NFATC2: variants seen among roughly 807,000 people sequenced by gnomAD.
The protein encoded by NFATC2 is nuclear factor of activated T cells 2.
A neutral mutation model predicts 87.3 loss-of-function variants in NFATC2; 22 were observed. The ratio of observed to expected loss-of-function variants is 0.25; its 90% CI spans 0.18 to 0.36. The LOEUF is 0.36. Among genes scored for constraint, NFATC2 ranks in the 10% least tolerant of loss-of-function variants. The pLI is 1.00. For synonymous variants in NFATC2, 565 were observed against 542.2 expected, an observed-to-expected ratio of 1.04 and a Z score of -0.58; for missense variants, 1,149 against 1,259.1, an observed-to-expected ratio of 0.91 and a Z score of 1.32.
At chr20:51,420,186 T>C (rs1172740330) in intron 9 of NFATC2, among the ~76,000 whole-genome samples, 2 of 152,212 alleles carry the variant, frequency 1.3e-5, no homozygotes, top group Non-Finnish European at 2.9e-5. Context: ...TTTCTCTTTA[T>C]AGAAGTTTTC....
chr20:51,493,237 C>T (rs1036885628), intron 3 of NFATC2, among the ~76,000 whole-genome samples: 4 of 152,332 alleles, frequency 2.6e-5, no homozygotes, highest in Admixed American at 6.5e-5. Flanking sequence ...TAGAAAAAAG[C>T]ACTTGTACAT....
intron 3 of NFATC2, among the ~76,000 whole-genome samples, chr20:51,513,592 C>T (rs1473098662): frequency 6.6e-6 from 1 of 152,252 alleles, no homozygotes; most frequent in African/African-American, 2.4e-5. Flanking sequence ...TAGCAGGTGT[C>T]TCCTGGACTG....
At chr20:51,562,819 G>C (rs777702500), upstream of NFATC2, 61 of 552,188 alleles carry the variant, frequency 1.1e-4, no homozygotes, top group East Asian at 4.2e-4. This position sits in a 1 kb window ranked among gnomAD's most constrained non-coding sequence, Gnocchi z 5.8. Flanking sequence ...TCCGCGATCC[G>C]GCTTACTCCA....
intron 3 of NFATC2, among the ~76,000 whole-genome samples, chr20:51,483,543 A>G (rs1989450328): frequency 1.3e-5 from 2 of 151,690 alleles, no homozygotes; most frequent in Admixed American, 6.6e-5. Flanking sequence ...CCAATTCAGT[A>G]TCTATTTTGG....
chr20:51,556,395 G>A (rs1030533111), intron 1 of NFATC2, among the ~76,000 whole-genome samples: 10 of 152,228 alleles, frequency 6.6e-5, no homozygotes, highest in Admixed American at 3.9e-4. Flanking sequence ...CCTTTTAACC[G>A]TAACAATGGC....
intron 9 of NFATC2, among the ~76,000 whole-genome samples, chr20:51,429,838 C>G (rs1982429678): frequency 6.6e-6 from 1 of 152,164 alleles, no homozygotes; most frequent in South Asian, 2.1e-4. Context: ...TGGGGTCATA[C>G]AGCATGTACC....
chr20:51,437,112 CAAAAAAAAAAA>C (rs3029278), intron 6 of NFATC2, among the ~76,000 whole-genome samples: 2 of 130,756 alleles, frequency 1.5e-5, no homozygotes, highest in Non-Finnish European at 3.2e-5. Context: ...GAAGTTGGGC[CAAAAAAAAAAA>C]AAAAAAAACC....
At chr20:51,483,740 G>C (rs2146550020) in intron 3 of NFATC2, among the ~76,000 whole-genome samples, 1 of 151,812 alleles carries the variant, frequency 6.6e-6, no homozygotes, top group Non-Finnish European at 1.5e-5. Flanking sequence ...CTAACTCTTG[G>C]TAACTCTCTC....
chr20:51,440,379 A>G (rs1223902626), intron 6 of NFATC2, among the ~76,000 whole-genome samples: 1 of 152,204 alleles, frequency 6.6e-6, no homozygotes, highest in Admixed American at 6.5e-5. Flanking sequence ...AAACACAAGC[A>G]TTTTAAAATC....
chr20:51,440,793 C>T (rs533283193), intron 6 of NFATC2, among the ~76,000 whole-genome samples: 1 of 152,284 alleles, frequency 6.6e-6, no homozygotes, highest in East Asian at 1.9e-4. Context: ...TTATGCAGCA[C>T]GTGCAAGACA....
chr20:51,425,326 C>T (rs561317453), intron 9 of NFATC2, among the ~76,000 whole-genome samples: 44 of 152,358 alleles, frequency 2.9e-4, no homozygotes, highest in African/African-American at 1.1e-3. Context: ...GGTGTCGGCT[C>T]CAGGTGGCCA....
At position 51,542,529 on chromosome 20, in the gene NFATC2, G is replaced by A. The variant is rs767134287; in HGVS notation, c.-30C>T. 11 of 1,361,770 alleles carry A rather than the reference G, an allele frequency of 8.1e-6. No individual in the cohort carries two copies. Among genetic ancestry groups the A allele is most frequent in the African/African-American group, 1.5e-5 (1 of 65,200 alleles). The allele number at this position is 1,361,770 out of a possible 1,614,324, so 84.4% of individuals were successfully genotyped here. A position where few individuals can be genotyped will look rare whatever the true frequency, so the allele number is the denominator to read the frequency against. On this transcript the variant is annotated 5_prime_UTR_variant, in exon 1 of 11. Transcript: ENST00000371564. ...CGCAGGGCGGGAAGGCTGCGGGGCC[G>A]GGGGCGAGGGCGGGCGCGGCTGGCT...
At chr20:51,478,115 A>T (rs1053529261) in intron 3 of NFATC2, among the ~76,000 whole-genome samples, 1 of 152,124 alleles carries the variant, frequency 6.6e-6, no homozygotes, top group Non-Finnish European at 1.5e-5. Context: ...CTAGATGATC[A>T]CCTTTTTTCA....
At chr20:51,430,276 C>T (rs988384167) in intron 9 of NFATC2, among the ~76,000 whole-genome samples, 1 of 152,174 alleles carries the variant, frequency 6.6e-6, no homozygotes, top group African/African-American at 2.4e-5. Context: ...CCAATACAAT[C>T]GATCCCCCAG....
At chr20:51,506,779 C>A (rs1048931872) in intron 3 of NFATC2, among the ~76,000 whole-genome samples, 2 of 152,138 alleles carry the variant, frequency 1.3e-5, no homozygotes, top group Non-Finnish European at 2.9e-5. Flanking sequence ...CAGGTGTGGT[C>A]ATGGTCCCCT....
intron 5 of NFATC2, among the ~76,000 whole-genome samples, chr20:51,464,804 G>T (rs1987511837): frequency 6.6e-6 from 1 of 152,194 alleles, no homozygotes; most frequent in South Asian, 2.1e-4. Flanking sequence ...TGTAGTTAAG[G>T]CTTGATGCCC....
chr20:51,545,067 G>T (rs73130849), upstream of NFATC2, among the ~76,000 whole-genome samples: 296 of 152,330 alleles, frequency 1.9e-3, no homozygotes, highest in Non-Finnish European at 2.5e-3. Context: ...TTATAGACAG[G>T]TATCTAGAAA....
In NFATC2 at chr20:51,524,066, C is replaced by T. The variant is rs867932067; in HGVS notation, c.175G>A (p.Ala59Thr). Residue 59 changes from alanine (A) to threonine (T), a missense_variant, in exon 2 of 11, where the codon GCA becomes ACA. Ala to Thr is a moderately conservative substitution (Grantham distance 58). Coordinates refer to ENST00000371564, the MANE Select transcript of NFATC2 (RefSeq NM_012340.5). This position sits in a 1 kb window ranked among gnomAD's most constrained non-coding sequence, Gnocchi z 4.0. ...HKVASPPSGP[A>T]YPDDVLDYGL... The stretch of plus-strand genomic sequence containing the variant: ...TAGTCCAGGACATCATCGGGGTATG[C>T]GGGTCCGGAGGGTGGGCTGGCGACC... 2 of 1,493,558 alleles carry T rather than the reference C, an allele frequency of 1.3e-6. No homozygotes were observed. Among genetic ancestry groups the T allele is most frequent in the Non-Finnish European group, 1.8e-6 (2 of 1,124,570 alleles). The allele number at this position is 1,493,558 out of a possible 1,614,324, so 92.5% of individuals were successfully genotyped here. A position where few individuals can be genotyped will look rare whatever the true frequency, so the allele number is the denominator to read the frequency against.
At chr20:51,433,577 T>C (rs905439995) in intron 8 of NFATC2, among the ~76,000 whole-genome samples, 6 of 152,160 alleles carry the variant, frequency 3.9e-5, no homozygotes, top group African/African-American at 1.4e-4. Flanking sequence ...GCTGTGGCCA[T>C]TCCTTTCTCC....
Sources: gnomAD v4.1 joint callset for allele counts (sites outside exome capture counted in the v4.1 genomes callset) on GRCh38, gnomAD v4.1.1 for gene constraint, Gnocchi (gnomAD v3.1) non-coding constraint, MANE v1.5 for transcripts, NCBI Gene and HGNC (gene_info 2026-07-23, HGNC 2026-07-21) for gene names.